Variants in SGCD observed in about 807,000 individuals in gnomAD.
SGCD encodes delta-sarcoglycan.
In SGCD, 18 loss-of-function variants were observed where a neutral mutation model predicts 36.6. The ratio of observed to expected loss-of-function variants is 0.49; its 90% CI spans 0.34 to 0.73. The LOEUF is 0.73. Ranked by LOEUF, SGCD falls within the 30% of genes least tolerant of loss-of-function variation. The pLI is 0.01. For synonymous variants in SGCD, 133 were observed against 130.6 expected (o/e 1.02, Z -0.12); for missense variants, 387 against 346.7 (o/e 1.12, Z -0.92).
At chr5:156,044,526 C>CT (rs1330398264) in intron 1 of SGCD, among the ~76,000 whole-genome samples, 1 of 152,074 alleles carries the variant, frequency 6.6e-6, no homozygotes. Context: ...CTGTCTTCCC[C>CT]TTTTTAATCA....
intron 1 of SGCD, among the ~76,000 whole-genome samples, chr5:155,874,287 T>G (rs1755719626): frequency 6.6e-6 from 1 of 152,064 alleles, no homozygotes; most frequent in African/African-American, 2.4e-5. Flanking sequence ...AGACATGTAT[T>G]AAAAATAACA....
At chr5:155,950,815 C>G (rs1757533900) in intron 1 of SGCD, among the ~76,000 whole-genome samples, 1 of 152,168 alleles carries the variant, frequency 6.6e-6, no homozygotes, top group Non-Finnish European at 1.5e-5. Flanking sequence ...TGATACTCTT[C>G]AAATAGTTGG....
chr5:156,079,035 A>G (rs1045250544), intron 1 of SGCD, among the ~76,000 whole-genome samples: 13 of 149,276 alleles, frequency 8.7e-5, no homozygotes, highest in Non-Finnish European at 4.4e-5. Context: ...AAAAAAAAAA[A>G]AAGAAAAGTT....
chr5:155,809,905 G>A, the SGCD span, among the ~76,000 whole-genome samples: 2 of 152,174 alleles, frequency 1.3e-5, no homozygotes, highest in Non-Finnish European at 2.9e-5. Context: ...TGAACTGGGT[G>A]ATCCTGGCCA....
intron 3 of SGCD, among the ~76,000 whole-genome samples, chr5:156,157,402 C>T (rs552666923): frequency 6.6e-6 from 1 of 151,812 alleles, no homozygotes; most frequent in African/African-American, 2.4e-5. Flanking sequence ...GTATTGGACT[C>T]CAAAGCTGGT....
chr5:156,089,529 A>G (rs1761188146), intron 1 of SGCD, among the ~76,000 whole-genome samples: 1 of 152,126 alleles, frequency 6.6e-6, no homozygotes, highest in Non-Finnish European at 1.5e-5. Context: ...TACCTCTGTA[A>G]CTCTCTCAAA....
chr5:156,119,506 C>T (rs779293335), intron 2 of SGCD, among the ~76,000 whole-genome samples: 7 of 152,118 alleles, frequency 4.6e-5, no homozygotes, highest in Admixed American at 1.3e-4. Context: ...GGTATCTCCA[C>T]GATCACACTT....
intron 7 of SGCD, among the ~76,000 whole-genome samples, chr5:156,692,569 C>T (rs754042615): frequency 2.6e-4 from 39 of 152,290 alleles, no homozygotes; most frequent in Non-Finnish European, 4.7e-4. Context: ...CAACAATTAT[C>T]AACTCACAGC....
Position 155,907,704 on chromosome 5 carries a change from T to C in SGCD, c.-282+37280T>C, listed in dbSNP as rs534028391. Among the ~76,000 whole-genome samples the C allele has an allele frequency of 5.9e-5, 9 of 152,232 alleles. No homozygotes were observed. The South Asian group carries it at 1.9e-3, about 32-fold the overall frequency. ...CTTGAATAGATAAGCAGCTCCTTCT[T>C]ATGGATAAGCAAGGAAAGTGGTTCC... On this transcript the variant is annotated intron_variant, in intron 1 of 9. Coordinates refer to the SGCD transcript ENST00000517913.
intron 3 of SGCD, among the ~76,000 whole-genome samples, chr5:156,479,171 C>T (rs975187932): frequency 2.0e-5 from 3 of 152,090 alleles, no homozygotes; most frequent in African/African-American, 7.2e-5. Flanking sequence ...CGGCTCACTG[C>T]AACCTCCACC....
chr5:156,406,457 G>A (rs1772414704), intron 3 of SGCD, among the ~76,000 whole-genome samples: 1 of 151,450 alleles, frequency 6.6e-6, no homozygotes, highest in South Asian at 2.1e-4. Flanking sequence ...CTTTATTTTG[G>A]TGCATCCAAT....
intron 3 of SGCD, among the ~76,000 whole-genome samples, chr5:156,176,913 G>A (rs1367140652): frequency 6.6e-6 from 1 of 152,184 alleles, no homozygotes; most frequent in African/African-American, 2.4e-5. Flanking sequence ...GGGACCCCTA[G>A]TTTTTCTCTA....
chr5:156,049,690 C>T (rs555281138), intron 1 of SGCD, among the ~76,000 whole-genome samples: 2 of 146,520 alleles, frequency 1.4e-5, no homozygotes, highest in East Asian at 1.9e-4. Flanking sequence ...CATTGAAAAC[C>T]TTCTGGAATG....
intron 3 of SGCD, among the ~76,000 whole-genome samples, chr5:156,369,729 ACAGT>A (rs1271243826): frequency 3.9e-5 from 6 of 152,184 alleles, no homozygotes; most frequent in Non-Finnish European, 8.8e-5. Context: ...CAAACTCCGG[ACAGT>A]CAGTGTGCAG....
At chr5:155,855,712 C>G in the SGCD span, among the ~76,000 whole-genome samples, 1 of 152,102 alleles carries the variant, frequency 6.6e-6, no homozygotes, top group Non-Finnish European at 1.5e-5. Flanking sequence ...CAGTTTACTA[C>G]TTGGAGTGAA....
intron 4 of SGCD, among the ~76,000 whole-genome samples, chr5:156,546,671 A>G (rs1404709442): frequency 6.6e-6 from 1 of 152,240 alleles, no homozygotes; most frequent in African/African-American, 2.4e-5. Context: ...AATAAATGAA[A>G]TTTTGTGTAG....
chr5:155,778,909 T>C, the SGCD span, among the ~76,000 whole-genome samples: 2 of 152,186 alleles, frequency 1.3e-5, no homozygotes, highest in African/African-American at 4.8e-5. Flanking sequence ...CTTCTTCAGA[T>C]ACAAGCTTTT....
chr5:156,753,482 G>A (rs1228322963), intron 7 of SGCD, among the ~76,000 whole-genome samples: 1 of 152,202 alleles, frequency 6.6e-6, no homozygotes, highest in Non-Finnish European at 1.5e-5. Flanking sequence ...CATCACTTCA[G>A]GAGTGATGCT....
chr5:156,186,242 C>T (rs767179445), intron 3 of SGCD, among the ~76,000 whole-genome samples: 1 of 151,988 alleles, frequency 6.6e-6, no homozygotes, highest in Non-Finnish European at 1.5e-5. Flanking sequence ...TTAATATAAA[C>T]ATGGGGTGAC....
Sources: gnomAD v4.1 joint callset for allele counts (sites outside exome capture counted in the v4.1 genomes callset) on GRCh38, gnomAD v4.1.1 for gene constraint, MANE v1.5 for transcripts, NCBI Gene and HGNC (gene_info 2026-07-23, HGNC 2026-07-21) for gene names.